SLC16A12: variants seen among roughly 807,000 people sequenced by gnomAD.
The protein encoded by SLC16A12 is monocarboxylate transporter 12.
SLC16A12 carries 17 observed loss-of-function variants against 42.4 expected under a neutral mutation model. That is an observed-to-expected ratio of 0.40 (90% CI 0.27 to 0.60). The LOEUF (loss-of-function observed/expected upper bound fraction) is 0.60. Ranked by LOEUF, SLC16A12 falls within the 20% of genes least tolerant of loss-of-function variation. SLC16A12 has a pLI of 0.42. For missense variants in SLC16A12, 544 were observed against 623.0 expected (o/e 0.87, Z 1.35); for synonymous variants, 224 against 229.4 (o/e 0.98, Z 0.21).
chr10:89,478,101 G>A (rs929344738), intron 2 of SLC16A12, among the ~76,000 whole-genome samples: 1 of 152,176 alleles, frequency 6.6e-6, no homozygotes, highest in African/African-American at 2.4e-5. Flanking sequence ...CTTAATAAAG[G>A]AAGTGGAGTG....
chr10:89,470,510 G>A (rs549622104), intron 2 of SLC16A12, among the ~76,000 whole-genome samples: 2 of 152,338 alleles, frequency 1.3e-5, no homozygotes, highest in South Asian at 4.1e-4. Context: ...CCTCCTAGGT[G>A]GCACAGAAGT....
At chr10:89,481,637 T>G (rs1842662373) in intron 2 of SLC16A12, among the ~76,000 whole-genome samples, 1 of 143,948 alleles carries the variant, frequency 6.9e-6, no homozygotes, top group South Asian at 2.2e-4. Context: ...CACTGTTTTT[T>G]TTTTCTTGTG....
chr10:89,468,633 C>T (rs181864586), intron 2 of SLC16A12, among the ~76,000 whole-genome samples: 6 of 152,308 alleles, frequency 3.9e-5, no homozygotes, highest in East Asian at 3.9e-4. Flanking sequence ...CACAAAACAA[C>T]GCATGTGAGT....
intron 2 of SLC16A12, among the ~76,000 whole-genome samples, chr10:89,542,550 C>A (rs1177658750): frequency 6.6e-6 from 1 of 152,108 alleles, no homozygotes; most frequent in Admixed American, 6.6e-5. Context: ...GAGATCCACC[C>A]ACCTTGGCCT....
intron 2 of SLC16A12, among the ~76,000 whole-genome samples, chr10:89,490,108 T>G (rs908971327): frequency 6.6e-6 from 1 of 152,208 alleles, no homozygotes; most frequent in Non-Finnish European, 1.5e-5. Flanking sequence ...AAGAGGAATG[T>G]AAAAGTAGGG....
chr10:89,502,151 CA>C (rs1366448616), intron 2 of SLC16A12, among the ~76,000 whole-genome samples: 1 of 152,010 alleles, frequency 6.6e-6, no homozygotes, highest in Non-Finnish European at 1.5e-5. Flanking sequence ...TGCTGGAATT[CA>C]GGCAAAAGTG....
chr10:89,467,093 T>C (rs1348949657), intron 2 of SLC16A12, among the ~76,000 whole-genome samples: 2 of 152,228 alleles, frequency 1.3e-5, no homozygotes, highest in Non-Finnish European at 2.9e-5. Flanking sequence ...AAGGCACAAC[T>C]TAGAAACTCC....
chr10:89,487,549 C>T (rs1842775455), intron 2 of SLC16A12, among the ~76,000 whole-genome samples: 1 of 151,598 alleles, frequency 6.6e-6, no homozygotes, highest in Non-Finnish European at 1.5e-5. Context: ...ACCTGTAATC[C>T]CAACACTTTG....
chr10:89,538,301 C>T (rs1843693166), upstream of SLC16A12, among the ~76,000 whole-genome samples: 1 of 152,208 alleles, frequency 6.6e-6, no homozygotes. Flanking sequence ...TGGAAATGTG[C>T]TATGTTTGCA....
intron 2 of SLC16A12, among the ~76,000 whole-genome samples, chr10:89,477,260 C>A (rs1564582453): frequency 6.6e-6 from 1 of 152,102 alleles, no homozygotes; most frequent in Non-Finnish European, 1.5e-5. Flanking sequence ...TGAGTACAGT[C>A]TGTACATTTA....
intron 2 of SLC16A12, among the ~76,000 whole-genome samples, chr10:89,488,097 A>T (rs1842791175): frequency 6.6e-6 from 1 of 150,582 alleles, no homozygotes; most frequent in South Asian, 2.1e-4. Flanking sequence ...AAAATCATGG[A>T]ATACTACATA....
upstream of SLC16A12, among the ~76,000 whole-genome samples, chr10:89,539,958 C>CT (rs768157605): frequency 9.0e-5 from 11 of 122,424 alleles, no homozygotes; most frequent in African/African-American, 2.9e-4. Flanking sequence ...CTCTTTCTTT[C>CT]TTCTTTCTTT....
At chr10:89,510,110 C>G (rs1843139888) in intron 2 of SLC16A12, among the ~76,000 whole-genome samples, 1 of 152,178 alleles carries the variant, frequency 6.6e-6, no homozygotes, top group Admixed American at 6.5e-5. Flanking sequence ...AAAGAACATT[C>G]CATGCTCATG....
At chr10:89,542,498 T>G (rs1843721221) in intron 2 of SLC16A12, among the ~76,000 whole-genome samples, 2 of 152,086 alleles carry the variant, frequency 1.3e-5, no homozygotes, top group African/African-American at 4.8e-5. Context: ...GAGATAGGGT[T>G]TCACCATGTT....
At chr10:89,511,035 A>G (rs1436982037) in intron 2 of SLC16A12, among the ~76,000 whole-genome samples, 1 of 152,224 alleles carries the variant, frequency 6.6e-6, no homozygotes, top group African/African-American at 2.4e-5. Context: ...ATGAGATACC[A>G]TCTCACACCA....
chr10:89,457,629 C>T (rs1842216831), intron 3 of SLC16A12, among the ~76,000 whole-genome samples: 1 of 151,892 alleles, frequency 6.6e-6, no homozygotes, highest in Non-Finnish European at 1.5e-5. Flanking sequence ...TTTTTATAAT[C>T]TTTATTGAAT....
chr10:89,486,603 A>AAAAGAAAGAAAGAAAGAAAG (rs141642264), intron 2 of SLC16A12, among the ~76,000 whole-genome samples: 5 of 70,410 alleles, frequency 7.1e-5, no homozygotes, highest in Admixed American at 1.7e-4. Flanking sequence ...AAAAAAAAAA[A>AAAAGAAAGAAAGAAAGAAAG]AAAGAAAGAA....
Position 89,430,854 on chromosome 10 carries a change from G to A in SLC16A12, c.*2210C>T, listed in dbSNP as rs556805737. ...ATAAACAAAATTTTGTTGTGATCAT[G>A]ATAAAAAATATGTATAAGAATATTT... On this transcript the variant is annotated 3_prime_UTR_variant, in exon 8 of 8. Coordinates refer to ENST00000371790, the MANE Select transcript of SLC16A12 (RefSeq NM_213606.4). 1.0e-4 allele frequency: 39 copies of A among 380,834 alleles called. No homozygotes were observed. The highest frequency in any genetic ancestry group is 5.1e-4 in the Admixed American group (13 of 25,740). 23.6% of individuals were successfully genotyped at this position (380,834 alleles called of 1,614,324 possible).
chr10:89,432,569 T>A lies in SLC16A12; in HGVS notation c.*495A>T, dbSNP rs1167828822. ...CCCAAGTAAAACCCTAATGAGAAAC[T>A]CCACCATGAAAAAGTATGGCATCTT... On this transcript the variant is annotated 3_prime_UTR_variant, in exon 8 of 8. Transcript: ENST00000371790. 1 of 153,224 alleles carries A rather than the reference T, an allele frequency of 6.5e-6. No individual in the cohort carries two copies. The highest frequency in any genetic ancestry group is 2.4e-5 in the African/African-American group (1 of 41,408). The allele number at this position is 153,224 out of a possible 1,614,324, so 9.5% of individuals were successfully genotyped here.
Sources: allele counts gnomAD v4.1 joint callset (sites outside exome capture counted in the v4.1 genomes callset), GRCh38; gene constraint gnomAD v4.1.1; transcripts MANE v1.5; gene names NCBI Gene and HGNC (gene_info 2026-07-23, HGNC 2026-07-21).